The following CCNF variants were observed in gnomAD, a reference collection of about 807,000 sequenced individuals.
The protein encoded by CCNF is cyclin F, also known as cyclin-F.
A neutral mutation model predicts 85.4 loss-of-function variants in CCNF; 30 were observed. The ratio of observed to expected loss-of-function variants is 0.35; its 90% CI spans 0.26 to 0.48. The LOEUF (loss-of-function observed/expected upper bound fraction) is 0.48, where lower values mean the gene tolerates loss of function less well. Among genes scored for constraint, CCNF ranks in the 20% least tolerant of loss-of-function variants. The pLI is 0.99. For synonymous variants in CCNF, 439 were observed against 425.1 expected, an observed-to-expected ratio of 1.03 and a Z score of -0.40; for missense variants, 919 against 1,010.4, an observed-to-expected ratio of 0.91 and a Z score of 1.23.
At chr16:2,432,123 C>T (rs898433244) in intron 2 of CCNF, among the ~76,000 whole-genome samples, 1 of 152,198 alleles carries the variant, frequency 6.6e-6, no homozygotes, top group Non-Finnish European at 1.5e-5. Context: ...AGCCACTGCA[C>T]CCGGCTGAAA....
At chr16:2,443,615 T>G in intron 8 of CCNF, 34 bp from the exon 9 acceptor site, 1 of 1,599,976 alleles carries the variant, frequency 6.3e-7, no homozygotes, top group Non-Finnish European at 8.6e-7. Context: ...ACATGGCTGC[T>G]GTCTCACGCT....
At position 2,452,778 on chromosome 16, in the gene CCNF, T is replaced by A; in HGVS notation, c.1488-432T>A. 1 of 214,068 alleles carries A rather than the reference T, an allele frequency of 4.7e-6. No homozygotes were observed. The highest frequency in any genetic ancestry group is 7.1e-5 in the South Asian group (1 of 14,070). The allele number at this position is 214,068 out of a possible 1,614,324, so 13.3% of individuals were successfully genotyped here. A position where few individuals can be genotyped will look rare whatever the true frequency, so the allele number is the denominator to read the frequency against. On this transcript the variant is annotated intron_variant, in intron 13 of 16. Coordinates refer to ENST00000397066, the MANE Select transcript of CCNF (RefSeq NM_001761.3). This position sits in a 1 kb window ranked among gnomAD's most constrained non-coding sequence, Gnocchi z 4.1. ...TGTTTCCCATTCTGTACATTCCATA[T>A]AAATGGCGTCATCGGACAAGTGGCC... is the stretch of plus-strand genomic sequence containing the variant.
rs890066819 is a variant in CCNF, at chr16:2,449,343, C to T, written c.1280C>T (p.Thr427Ile). The change falls in exon 12 of 17, where the codon ACC (threonine) becomes ATC (isoleucine). Residue 427 changes from threonine (T) to isoleucine (I), a missense_variant. By Grantham distance (89) the Thr-to-Ile change is moderately conservative. Coordinates refer to ENST00000397066, the MANE Select transcript of CCNF (RefSeq NM_001761.3). ...LLTLVPVELR[T>I]QHLCSFLCEL... is the part of the protein sequence containing the mutation. ...ACGCTAGTCCCTGTGGAGCTGAGAACCCAGCACCTGTGCAGCTTCCTCTGC... is the reference window on the plus strand; with the variant it reads ...ACGCTAGTCCCTGTGGAGCTGAGAATCCAGCACCTGTGCAGCTTCCTCTGC... 5.6e-6 allele frequency: 9 copies of T among 1,613,690 alleles called. No individual in the cohort carries two copies. In the African/African-American group the frequency reaches 1.1e-4, roughly 19 times the overall value.
intron 10 of CCNF, among the ~76,000 whole-genome samples, chr16:2,448,081 G>T (rs1596926469): frequency 6.6e-6 from 1 of 152,372 alleles, no homozygotes; most frequent in East Asian, 1.9e-4. Context: ...AGAGAACAGG[G>T]TGACCATCGC....
In CCNF at chr16:2,456,401, C is replaced by T. The variant is rs572551126; in HGVS notation, c.1886-144C>T. The stretch of plus-strand genomic sequence containing the variant: ...CAACTTGGAAGAGGCATGTCACCCA[C>T]GCTTCTCACCACAGGAGGGTAACAC... On this transcript the variant is annotated intron_variant, in intron 16 of 16. Coordinates refer to ENST00000397066, the MANE Select transcript of CCNF (RefSeq NM_001761.3). This position sits in a 1 kb window ranked among gnomAD's most constrained non-coding sequence, Gnocchi z 4.5. 22 of 514,710 alleles carry T rather than the reference C, an allele frequency of 4.3e-5. No individual in the cohort carries two copies. The highest frequency in any genetic ancestry group is 9.6e-5 in the East Asian group (3 of 31,246). The allele number at this position is 514,710 out of a possible 1,614,324, so 31.9% of individuals were successfully genotyped here.
At chr16:2,445,090 G>T (rs2065354111) in intron 9 of CCNF, among the ~76,000 whole-genome samples, 1 of 152,138 alleles carries the variant, frequency 6.6e-6, no homozygotes, top group African/African-American at 2.4e-5. Context: ...CCGTATTGGG[G>T]CATTCCCTTG....
At chr16:2,433,116 C>T (rs1273376217) in intron 3 of CCNF, 49 bp downstream of exon 3, 1 of 1,198,562 alleles carries the variant, frequency 8.3e-7, no homozygotes, top group South Asian at 1.3e-5. Flanking sequence ...CCTTGGCCTC[C>T]CTATGTGCCA....
At chr16:2,435,779 T>A (rs2065287711) in intron 3 of CCNF, 27 bp from the exon 4 acceptor site, 1 of 1,594,124 alleles carries the variant, frequency 6.3e-7, no homozygotes, top group African/African-American at 1.3e-5. Context: ...TAAAATATTG[T>A]GATGCTTTAT....
At position 2,456,600 on chromosome 16, in the gene CCNF, G is replaced by C; in HGVS notation, c.1941G>C (p.Gln647His). 6.3e-7 allele frequency: 1 copy of C among 1,598,874 alleles called. No homozygotes were observed. Among genetic ancestry groups the C allele is most frequent in the Non-Finnish European group, 8.5e-7 (1 of 1,173,720 alleles). The stretch of plus-strand genomic sequence containing the variant: ...CCGTGGTCTACCTGAACCCAGAACA[G>C]CATTGCTGCCAGGAATCCAGTGATG... ...DVTVVYLNPE[Q>H]HCCQESSDEE... Residue 647 changes from glutamine (Q) to histidine (H), a missense_variant, in exon 17 of 17, where the codon CAG (glutamine) becomes CAC (histidine). This residue lies in a region of CCNF where 505 missense variants were observed against 514.8 expected (regional missense o/e 0.98). Coordinates refer to ENST00000397066, the MANE Select transcript of CCNF (RefSeq NM_001761.3). The surrounding 1 kb of genome is among the most constrained non-coding windows in gnomAD (Gnocchi z 4.5).
Position 2,453,157 on chromosome 16 carries a change from A to AAAAATGGGGTGGC in CCNF, c.1488-41_1488-40insCAAAATGGGGTGG. The AAAAATGGGGTGGC allele has an allele frequency of 1.3e-6, 2 of 1,493,304 alleles. No individual in the cohort carries two copies. Among genetic ancestry groups the AAAAATGGGGTGGC allele is most frequent in the Non-Finnish European group, 1.9e-6 (2 of 1,070,714 alleles). The allele number at this position is 1,493,304 out of a possible 1,614,324, so 92.5% of individuals were successfully genotyped here. ...TTGCTCACTTCAGTGAACTGAAGCTAAAAATGGGGTGGGGGTGCCTCACAT... is the reference window on the plus strand; with the variant it reads ...TTGCTCACTTCAGTGAACTGAAGCTAAAAATGGGGTGGCAAAATGGGGTGGGGGTGCCTCACAT... On this transcript the variant is annotated intron_variant, in intron 13 of 16. Transcript: ENST00000397066. This position sits in a 1 kb window ranked among gnomAD's most constrained non-coding sequence, Gnocchi z 5.6.
At position 2,451,803 on chromosome 16, in the gene CCNF, C is replaced by G. The variant is rs2065396756; in HGVS notation, c.1488-1407C>G. Among the ~76,000 whole-genome samples, 2 of 152,212 alleles carry G rather than the reference C, an allele frequency of 1.3e-5. No homozygotes were observed. The highest frequency in any genetic ancestry group is 1.3e-4 in the Admixed American group (2 of 15,288). ...TAGGCCATGCGGCCTAGGTGTTGGT[C>G]TCCCTTCCCACCCACCCCAAGGGGC... On this transcript the variant is annotated intron_variant, in intron 13 of 16. Transcript: ENST00000397066. This position sits in a 1 kb window ranked among gnomAD's most constrained non-coding sequence, Gnocchi z 4.3.
In CCNF at chr16:2,456,515, T is replaced by C. The variant is rs1179228077; in HGVS notation, c.1886-30T>C. ...TCTCCCCTGATGCTTGGGTGTGACA[T>C]GACTTCCCTCCCCACCAACCTTCCT... On this transcript the variant is annotated intron_variant, in intron 16 of 16. Coordinates refer to ENST00000397066, the MANE Select transcript of CCNF (RefSeq NM_001761.3). The surrounding 1 kb of genome is among the most constrained non-coding windows in gnomAD (Gnocchi z 4.5). 1.4e-6 allele frequency: 2 copies of C among 1,469,520 alleles called. No homozygotes were observed. The highest frequency in any genetic ancestry group is 4.6e-5 in the East Asian group (2 of 43,602). The allele number at this position is 1,469,520 out of a possible 1,614,324, so 91.0% of individuals were successfully genotyped here. A position where few individuals can be genotyped will look rare whatever the true frequency, so the allele number is the denominator to read the frequency against.
At chr16:2,440,402 T>C (rs2065314817) in intron 8 of CCNF, among the ~76,000 whole-genome samples, 1 of 152,074 alleles carries the variant, frequency 6.6e-6, no homozygotes, top group Non-Finnish European at 1.5e-5. Context: ...GCGGATGACC[T>C]GAGGTCAGGA....
At chr16:2,442,865 T>C (rs1297174794) in intron 8 of CCNF, among the ~76,000 whole-genome samples, 3 of 41,266 alleles carry the variant, frequency 7.3e-5, no homozygotes, top group East Asian at 2.4e-3. Flanking sequence ...TATATTATAT[T>C]ATATATATTA....
chr16:2,437,043 T>C, intron 4 of CCNF, 86 bp from the exon 5 acceptor site: 1 of 1,219,606 alleles, frequency 8.2e-7, no homozygotes, highest in East Asian at 2.5e-5. Context: ...GCTTCAGGCA[T>C]TACACTTTCC....
At chr16:2,449,080 CAG>C (rs762393594) in intron 11 of CCNF, 102 bp downstream of exon 11, 11 of 1,528,062 alleles carry the variant, frequency 7.2e-6, no homozygotes, top group Non-Finnish European at 9.9e-6. Context: ...CTCATGGACT[CAG>C]AGAGCAGCTG....
rs1222375284 is a variant in CCNF at position 2,429,469 on chromosome 16, C to A, written c.-13C>A. 4.9e-6 allele frequency: 6 copies of A among 1,226,080 alleles called. No individual in the cohort carries two copies. The highest frequency in any genetic ancestry group is 3.1e-5 in the African/African-American group (2 of 63,704). 76.0% of individuals were successfully genotyped at this position (1,226,080 alleles called of 1,614,324 possible). A position where few individuals can be genotyped will look rare whatever the true frequency, so the allele number is the denominator to read the frequency against. ...CTCAGGCGGGCTCCGGCGGCAGCGACGCGAGCGCGGCGATGGGGAGCGGCG... is the reference window on the plus strand; with the variant it reads ...CTCAGGCGGGCTCCGGCGGCAGCGAAGCGAGCGCGGCGATGGGGAGCGGCG... On this transcript the variant is annotated 5_prime_UTR_variant, in exon 1 of 17. Transcript: ENST00000397066.
chr16:2,456,753 G>A lies in CCNF; in HGVS notation c.2094G>A (p.Thr698=), dbSNP rs549318310. The A allele has an allele frequency of 1.2e-6, 2 of 1,612,502 alleles. No individual in the cohort carries two copies. Among genetic ancestry groups the A allele is most frequent in the East Asian group, 2.2e-5 (1 of 44,862 alleles). ...GCCGGGAGCCAGGGAAGGACGTCAC[G>A]ACCTCAGGGTACTCCTCCGTCAGCA... ...RTSREPGKDV[T]TSGYSSVSTA... Residue 698 remains threonine (T), a synonymous_variant, in exon 17 of 17, where the codon ACG becomes ACA. Coordinates refer to ENST00000397066, the MANE Select transcript of CCNF (RefSeq NM_001761.3). This position sits in a 1 kb window ranked among gnomAD's most constrained non-coding sequence, Gnocchi z 4.5.
chr16:2,443,943 G>A (rs1266110176), intron 9 of CCNF, 143 bp downstream of exon 9: 10 of 657,036 alleles, frequency 1.5e-5, no homozygotes, highest in Non-Finnish European at 2.2e-5. Flanking sequence ...TTTTTGAAGT[G>A]GAGTCTCGCT....
Sources: gnomAD v4.1 joint callset for allele counts (sites outside exome capture counted in the v4.1 genomes callset) on GRCh38, gnomAD v4.1.1 for gene constraint, gnomAD v4.1.1 regional missense constraint, Gnocchi (gnomAD v3.1) non-coding constraint, MANE v1.5 for transcripts, NCBI Gene and HGNC (gene_info 2026-07-23, HGNC 2026-07-21) for gene names.